Variants in PRRC2B observed in about 807,000 individuals in gnomAD.
The protein encoded by PRRC2B is proline rich coiled-coil 2B.
PRRC2B carries 68 observed loss-of-function variants against 242.3 expected under a neutral mutation model. The ratio of observed to expected loss-of-function variants is 0.28; its 90% CI spans 0.23 to 0.34. The LOEUF (loss-of-function observed/expected upper bound fraction) is 0.34, where lower values mean the gene tolerates loss of function less well. Ranked by LOEUF, PRRC2B falls within the 10% of genes least tolerant of loss-of-function variation. PRRC2B has a pLI of 1.00. For synonymous variants in PRRC2B, 1,228 were observed against 1,173.6 expected, an observed-to-expected ratio of 1.05 and a Z score of -0.95; for missense variants, 2,835 against 2,954.8, an observed-to-expected ratio of 0.96 and a Z score of 0.94.
At chr9:131,495,648 A>G in intron 31 of PRRC2B, 92 bp from the exon 32 acceptor site, 1 of 1,423,560 alleles carries the variant, frequency 7.0e-7, no homozygotes, top group Non-Finnish European at 9.6e-7. Context: ...TTTCCCTGCA[A>G]CTCAGGAGCA....
chr9:131,487,280 C>A lies in PRRC2B; in HGVS notation c.5970C>A (p.Ser1990=). 6.2e-7 allele frequency: 1 copy of A among 1,609,804 alleles called. No individual in the cohort carries two copies. Among genetic ancestry groups the A allele is most frequent in the East Asian group, 2.2e-5 (1 of 44,756 alleles). Residue 1990 remains serine (S), a synonymous_variant, in exon 27 of 32, where the codon TCC becomes TCA. Coordinates refer to ENST00000683519, the MANE Select transcript of PRRC2B (RefSeq NM_013318.4). This position sits in a 1 kb window ranked among gnomAD's most constrained non-coding sequence, Gnocchi z 5.3. ...CCCAGTCCCAGGAGATCTTCAGCTCCTTGCAGCCCTTCAGGTGAGCTCATG... is the reference window on the plus strand; with the variant it reads ...CCCAGTCCCAGGAGATCTTCAGCTCATTGCAGCCCTTCAGGTGAGCTCATG... ...PVSQSQEIFS[S]LQPFRSQVYM... is the part of the protein sequence containing the mutation.
chr9:131,493,637 G>C lies in PRRC2B; in HGVS notation c.6474-768G>C, dbSNP rs542678035. ...TAGCTTTGTTTCTATGGTGTTTTAG[G>C]GGGGTTGGGGAAATTGCTATAATTG... On this transcript the variant is annotated intron_variant, in intron 30 of 31. Coordinates refer to ENST00000683519, the MANE Select transcript of PRRC2B (RefSeq NM_013318.4). Among the ~76,000 whole-genome samples the C allele has an allele frequency of 4.6e-5, 7 of 152,334 alleles. No homozygotes were observed. The East Asian group carries it at 9.6e-4, about 21-fold the overall frequency.
chr9:131,473,307 C>G (rs1042225327), intron 14 of PRRC2B, among the ~76,000 whole-genome samples: 1 of 152,138 alleles, frequency 6.6e-6, no homozygotes, highest in African/African-American at 2.4e-5. Context: ...GTCTTTGAAC[C>G]AGGCAGGGTG....
intron 1 of PRRC2B, among the ~76,000 whole-genome samples, chr9:131,420,483 T>TC (rs1837791701): frequency 2.4e-4 from 4 of 16,710 alleles, no homozygotes; most frequent in African/African-American, 5.4e-4. Flanking sequence ...CTTTCTTTCT[T>TC]TCTTTCTTTC....
At chr9:131,443,612 G>C (rs1838688014) in intron 5 of PRRC2B, among the ~76,000 whole-genome samples, 1 of 151,794 alleles carries the variant, frequency 6.6e-6, no homozygotes, top group Non-Finnish European at 1.5e-5. Context: ...GTATTTTTTG[G>C]TAGAGACAGG....
At chr9:131,457,427 CT>C (rs763999140) in intron 10 of PRRC2B, among the ~76,000 whole-genome samples, 1 of 152,224 alleles carries the variant, frequency 6.6e-6, no homozygotes, top group Non-Finnish European at 1.5e-5. Flanking sequence ...AGTTTTGCCC[CT>C]GACTTTGACC....
upstream of PRRC2B, among the ~76,000 whole-genome samples, chr9:131,391,394 C>G (rs1836898749): frequency 6.6e-6 from 1 of 152,154 alleles, no homozygotes; most frequent in Non-Finnish European, 1.5e-5. Context: ...CTCCGACCCT[C>G]CTTCCTTCCT....
chr9:131,383,306 A>C (rs1158520708), intron 1 of PRRC2B, among the ~76,000 whole-genome samples: 1 of 152,230 alleles, frequency 6.6e-6, no homozygotes, highest in East Asian at 1.9e-4. Context: ...TGTGGAGAAC[A>C]GGTGCAGAGC....
intron 1 of PRRC2B, among the ~76,000 whole-genome samples, chr9:131,405,507 T>C (rs1267441642): frequency 6.6e-6 from 1 of 152,158 alleles, no homozygotes; most frequent in Non-Finnish European, 1.5e-5. Context: ...TGTGCATATC[T>C]CACTTCTCGA....
In PRRC2B at chr9:131,465,151, C is replaced by G. The variant is rs1268654449; in HGVS notation, c.1720+73C>G. On this transcript the variant is annotated intron_variant, in intron 12 of 31. Transcript: ENST00000683519. ...TCCTCGTCTTGTTACTTGCAACTGCCTTCCTTCTTAGCTAGCAGAACGTAT... is the reference window on the plus strand; with the variant it reads ...TCCTCGTCTTGTTACTTGCAACTGCGTTCCTTCTTAGCTAGCAGAACGTAT... The G allele has an allele frequency of 4.2e-6, 6 of 1,417,666 alleles. No individual in the cohort carries two copies. In the South Asian group the frequency reaches 5.6e-5, roughly 13 times the overall value. 87.8% of individuals were successfully genotyped at this position (1,417,666 alleles called of 1,614,324 possible).
intron 13 of PRRC2B, 123 bp downstream of exon 13, chr9:131,467,876 C>T (rs1003399247): frequency 1.0e-6 from 1 of 965,318 alleles, no homozygotes; most frequent in Non-Finnish European, 1.5e-6. Context: ...CCTTATGTGC[C>T]CCCAAGACCA....
chr9:131,486,918 G>T (rs981590668), intron 26 of PRRC2B, among the ~76,000 whole-genome samples: 2 of 152,220 alleles, frequency 1.3e-5, no homozygotes, highest in East Asian at 1.9e-4. Context: ...GTTGACGTAT[G>T]TGCTAGGATC....
chr9:131,478,576 G>A lies in PRRC2B; in HGVS notation c.4715G>A (p.Arg1572His), dbSNP rs367574702. Residue 1572 changes from arginine (R) to histidine (H), a missense_variant, in exon 18 of 32, where the codon CGC (arginine) becomes CAC (histidine). Around this residue, in one of 7 missense-constraint regions of PRRC2B, gnomAD observed 1,536 missense variants for 1,483.1 expected, o/e 1.04. Coordinates refer to ENST00000683519, the MANE Select transcript of PRRC2B (RefSeq NM_013318.4). ...FIEVLTKKQR[R>H]LLEEERRKKE... ...GAAGTCCTGACCAAGAAGCAGCGCCGCCTGCTGGAGGAAGAGAGAAGAAAG... is the reference window on the plus strand; with the variant it reads ...GAAGTCCTGACCAAGAAGCAGCGCCACCTGCTGGAGGAAGAGAGAAGAAAG... 13 of 1,512,040 alleles carry A rather than the reference G, an allele frequency of 8.6e-6. No homozygotes were observed. The highest frequency in any genetic ancestry group is 1.8e-4 in the Middle Eastern group (1 of 5,534). The allele number at this position is 1,512,040 out of a possible 1,614,324, so 93.7% of individuals were successfully genotyped here.
At chr9:131,434,545 C>G (rs1449801976) in intron 3 of PRRC2B, among the ~76,000 whole-genome samples, 1 of 152,222 alleles carries the variant, frequency 6.6e-6, no homozygotes, top group Non-Finnish European at 1.5e-5. Context: ...TTGGAGAACA[C>G]AAAAGTGCGA....
At chr9:131,397,494 C>T (rs1375955877) in intron 1 of PRRC2B, among the ~76,000 whole-genome samples, 2 of 150,866 alleles carry the variant, frequency 1.3e-5, no homozygotes, top group African/African-American at 2.4e-5. Flanking sequence ...CTGTTCAACA[C>T]TCCTAACCTC....
chr9:131,474,894 C>T lies in PRRC2B; in HGVS notation c.2765C>T (p.Pro922Leu), dbSNP rs367724272. ...PSSEPEWTPE[P>L]RSSSSQHPEQ... ...TCGGAGCCTGAATGGACTCCCGAGC[C>T]CCGGAGCTCCAGCAGCCAGCACCCG... Residue 922 changes from proline to leucine, a missense_variant, in exon 16 of 32, where the codon CCC becomes CTC. By Grantham distance (98) the Pro-to-Leu change is moderately conservative. Coordinates refer to ENST00000683519, the MANE Select transcript of PRRC2B (RefSeq NM_013318.4). 2 of 1,595,296 alleles carry T rather than the reference C, an allele frequency of 1.3e-6. No individual in the cohort carries two copies. Among genetic ancestry groups the T allele is most frequent in the East Asian group, 2.3e-5 (1 of 43,774 alleles).
At chr9:131,471,190 G>GA (rs1411446632) in intron 14 of PRRC2B, among the ~76,000 whole-genome samples, 2 of 152,230 alleles carry the variant, frequency 1.3e-5, no homozygotes, top group African/African-American at 4.8e-5. Flanking sequence ...AAGTCATGAA[G>GA]ATCGTGTATC....
rs1943633486 is a variant in PRRC2B at position 131,474,567 on chromosome 9, A to G, written c.2438A>G (p.Gln813Arg). 1 of 1,614,002 alleles carries G rather than the reference A, an allele frequency of 6.2e-7. No homozygotes were observed. ...TTGAGTGCTTTTGACAAGAAGGCCC[A>G]AGCAGACTTTGACAGCTGTATCTCT... The part of the protein sequence containing the change: ...EYLSAFDKKA[Q>R]ADFDSCISSQ... The change falls in exon 16 of 32, where the codon CAA becomes CGA. Residue 813 changes from glutamine to arginine, a missense_variant. By Grantham distance (43) the Gln-to-Arg change is conservative. Transcript: ENST00000683519.
intron 1 of PRRC2B, among the ~76,000 whole-genome samples, chr9:131,410,764 C>T (rs543962938): frequency 1.3e-5 from 2 of 152,054 alleles, no homozygotes; most frequent in African/African-American, 2.4e-5. Context: ...ACTGGAGGAG[C>T]TCCTATTCTT....
Sources: gnomAD v4.1 joint callset for allele counts (sites outside exome capture counted in the v4.1 genomes callset) on GRCh38, gnomAD v4.1.1 for gene constraint, gnomAD v4.1.1 regional missense constraint, Gnocchi (gnomAD v3.1) non-coding constraint, MANE v1.5 for transcripts, NCBI Gene and HGNC (gene_info 2026-07-23, HGNC 2026-07-21) for gene names.